The following FAM13B variants were observed in gnomAD, a reference collection of about 807,000 sequenced individuals.
FAM13B encodes the protein family with sequence similarity 13 member B, also known as protein FAM13B.
A neutral mutation model predicts 117.3 loss-of-function variants in FAM13B; 60 were observed. The observed-to-expected ratio is 0.51, with a 90% CI of 0.42 to 0.63. The LOEUF (loss-of-function observed/expected upper bound fraction) is 0.63, where lower values mean the gene tolerates loss of function less well. FAM13B is among the 30% of genes least tolerant of loss of function. The pLI, the probability that FAM13B is intolerant of heterozygous loss-of-function variation, is 0.00. For synonymous variants in FAM13B, 332 were observed against 356.1 expected, an observed-to-expected ratio of 0.93 and a Z score of 0.76; for missense variants, 972 against 1,091.9, an observed-to-expected ratio of 0.89 and a Z score of 1.55.
At chr5:138,016,198 C>A (rs190843360) in intron 4 of FAM13B, among the ~76,000 whole-genome samples, 2 of 151,880 alleles carry the variant, frequency 1.3e-5, no homozygotes, top group Non-Finnish European at 2.9e-5. Context: ...AGGGTAAATG[C>A]GCAATTTTTG....
upstream of FAM13B, among the ~76,000 whole-genome samples, chr5:138,037,544 C>T (rs973681773): frequency 2.0e-5 from 3 of 151,906 alleles, no homozygotes; most frequent in Non-Finnish European, 4.4e-5. Context: ...TAATAATGCC[C>T]TCATTATTCA....
rs766871175 is a variant in FAM13B at position 137,954,152 on chromosome 5, TA to T, written c.1718+13del. 6.3e-7 allele frequency: 1 copy of T among 1,598,098 alleles called. No homozygotes were observed. The highest frequency in any genetic ancestry group is 1.1e-5 in the South Asian group (1 of 90,708). On this transcript the variant is annotated intron_variant, in intron 15 of 23. Coordinates refer to ENST00000689681, the MANE Select transcript of FAM13B (RefSeq NM_001385994.1). ...ATAGGAATTGCCTCTTGTAAGTACA[TA>T]AAAATCATATACCTAGTAAAAGACA...
At chr5:138,041,622 G>A (rs1425860943) in intron 1 of FAM13B, among the ~76,000 whole-genome samples, 1 of 152,148 alleles carries the variant, frequency 6.6e-6, no homozygotes, top group Non-Finnish European at 1.5e-5. Flanking sequence ...TACAATCAGT[G>A]TAAATATATT....
chr5:137,951,753 G>T (rs1581068559), intron 17 of FAM13B, among the ~76,000 whole-genome samples: 3 of 152,086 alleles, frequency 2.0e-5, no homozygotes, highest in Admixed American at 2.0e-4. Flanking sequence ...GAGGCAGGGG[G>T]ATCGCTTGAG....
chr5:137,966,584 G>A (rs891960738), intron 10 of FAM13B, among the ~76,000 whole-genome samples: 1 of 142,850 alleles, frequency 7.0e-6, no homozygotes, highest in Non-Finnish European at 1.5e-5. Context: ...ATTTAAAAAC[G>A]GGCAAAAGAC....
chr5:137,984,897 T>G (rs1305214051), intron 10 of FAM13B, among the ~76,000 whole-genome samples: 1 of 151,962 alleles, frequency 6.6e-6, no homozygotes, highest in Non-Finnish European at 1.5e-5. Context: ...GCCTCCCCGG[T>G]AGCTGGGATT....
At chr5:137,985,530 T>C (rs779623575) in intron 9 of FAM13B, 141 bp from the exon 10 acceptor site, 48 of 797,698 alleles carry the variant, frequency 6.0e-5, no homozygotes, top group Non-Finnish European at 9.2e-5. Context: ...ATCCACACTT[T>C]TATCTTGCTA....
At chr5:138,028,540 A>AC (rs1308716414) in intron 1 of FAM13B, among the ~76,000 whole-genome samples, 1 of 152,198 alleles carries the variant, frequency 6.6e-6, no homozygotes, top group Non-Finnish European at 1.5e-5. Flanking sequence ...CAGTGGTTAA[A>AC]CTTTTTTTGT....
At chr5:138,049,951 C>T (rs1172924524) in intron 1 of FAM13B, among the ~76,000 whole-genome samples, 1 of 151,962 alleles carries the variant, frequency 6.6e-6, no homozygotes, top group East Asian at 1.9e-4. Flanking sequence ...CAAAGTGAGC[C>T]CTTTTCTCTA....
intron 10 of FAM13B, among the ~76,000 whole-genome samples, chr5:137,969,921 A>G (rs1232156298): frequency 6.6e-6 from 1 of 152,178 alleles, no homozygotes; most frequent in Non-Finnish European, 1.5e-5. Flanking sequence ...AAAAGAATAA[A>G]AAGAAATGAG....
chr5:137,977,492 G>C (rs371896166), intron 10 of FAM13B, among the ~76,000 whole-genome samples: 6 of 152,136 alleles, frequency 3.9e-5, no homozygotes, highest in East Asian at 1.9e-4. Flanking sequence ...ACGAACATGT[G>C]ATGTCTCCCC....
intron 9 of FAM13B, among the ~76,000 whole-genome samples, chr5:137,986,399 C>G (rs181185526): frequency 6.9e-6 from 1 of 145,786 alleles, no homozygotes; most frequent in Admixed American, 7.0e-5. Flanking sequence ...TATGAATCTT[C>G]TAGATTTGGG....
At chr5:137,942,641 G>T in intron 22 of FAM13B, 1 of 458,850 alleles carries the variant, frequency 2.2e-6, no homozygotes, top group Non-Finnish European at 3.8e-6. Context: ...GGGATTATAG[G>T]CATGAGCCAC....
intron 1 of FAM13B, among the ~76,000 whole-genome samples, chr5:138,029,786 A>G (rs372102790): frequency 6.6e-6 from 1 of 152,254 alleles, no homozygotes; most frequent in East Asian, 1.9e-4. Flanking sequence ...CTTGACACAC[A>G]AAAGCAAAAA....
chr5:138,045,806 G>C (rs1791624329), intron 1 of FAM13B, among the ~76,000 whole-genome samples: 2 of 151,808 alleles, frequency 1.3e-5, no homozygotes, highest in South Asian at 2.1e-4. Context: ...TTAGCCAGGC[G>C]TGGTGGTAGG....
At chr5:138,008,651 C>T (rs1025007327) in intron 6 of FAM13B, among the ~76,000 whole-genome samples, 5 of 152,174 alleles carry the variant, frequency 3.3e-5, no homozygotes, top group African/African-American at 1.2e-4. Flanking sequence ...AATGTCTATA[C>T]ATAATAAGCA....
chr5:137,985,445 T>TA, intron 9 of FAM13B, 56 bp from the exon 10 acceptor site: 2 of 1,506,200 alleles, frequency 1.3e-6, no homozygotes, highest in Non-Finnish European at 1.8e-6. Context: ...GTAATGCCTT[T>TA]ACTTTAAAAT....
intron 7 of FAM13B, among the ~76,000 whole-genome samples, chr5:137,999,327 C>T (rs1780619588): frequency 6.6e-6 from 1 of 152,078 alleles, no homozygotes; most frequent in African/African-American, 2.4e-5. Flanking sequence ...CCTGTAACCC[C>T]AGCACTTTGG....
chr5:138,023,599 T>C (rs1787370837), intron 1 of FAM13B, among the ~76,000 whole-genome samples: 1 of 152,184 alleles, frequency 6.6e-6, no homozygotes, highest in South Asian at 2.1e-4. Flanking sequence ...TTTTTCTTTT[T>C]TTGAGACAGG....
Sources: gnomAD v4.1 joint callset for allele counts (sites outside exome capture counted in the v4.1 genomes callset) on GRCh38, gnomAD v4.1.1 for gene constraint, MANE v1.5 for transcripts, NCBI Gene and HGNC (gene_info 2026-07-23, HGNC 2026-07-21) for gene names.